The following C21orf58 variants were observed in gnomAD, a reference collection of about 807,000 sequenced individuals.
C21orf58 encodes the protein uncharacterized protein C21orf58.
A neutral mutation model predicts 35.8 loss-of-function variants in C21orf58; 34 were observed. That is an observed-to-expected ratio of 0.95 (90% CI 0.72 to 1.26). C21orf58 has a LOEUF of 1.26. Ranked by LOEUF, C21orf58 falls within the 50% of genes most tolerant of loss-of-function variation. The pLI, the probability that C21orf58 is intolerant of heterozygous loss-of-function variation, is 0.00. For synonymous variants in C21orf58, 191 were observed against 175.8 expected, an observed-to-expected ratio of 1.09 and a Z score of -0.68; for missense variants, 440 against 414.3, an observed-to-expected ratio of 1.06 and a Z score of -0.54.
rs1356323865 is a variant in C21orf58, at chr21:46,311,582, G to A, written c.610-15C>T. 6.6e-7 allele frequency: 1 copy of A among 1,515,098 alleles called. No homozygotes were observed. The highest frequency in any genetic ancestry group is 9.1e-7 in the Non-Finnish European group (1 of 1,097,920). The allele number at this position is 1,515,098 out of a possible 1,614,324, so 93.9% of individuals were successfully genotyped here. On this transcript the variant is annotated splice_polypyrimidine_tract_variant and intron_variant, in intron 5 of 7. Coordinates refer to ENST00000291691, the MANE Select transcript of C21orf58 (RefSeq NM_058180.5). ...GGCTGGGGGACCTAGGAACAGCCAGGTGATTAGCTATCTGCATATGTCCTT... is the reference window on the plus strand; with the variant it reads ...GGCTGGGGGACCTAGGAACAGCCAGATGATTAGCTATCTGCATATGTCCTT...
intron 6 of C21orf58, among the ~76,000 whole-genome samples, chr21:46,307,041 G>A (rs988058059): frequency 5.3e-5 from 8 of 151,748 alleles, no homozygotes; most frequent in Non-Finnish European, 1.0e-4. Flanking sequence ...GATTACAGGC[G>A]CCCACCACCA....
intron 6 of C21orf58, among the ~76,000 whole-genome samples, chr21:46,306,956 C>T (rs1354185684): frequency 1.3e-5 from 2 of 151,596 alleles, no homozygotes; most frequent in South Asian, 2.1e-4. Flanking sequence ...AGTGCAGTGG[C>T]GTGATCTCAG....
chr21:46,317,072 G>A (rs1349437370), intron 3 of C21orf58, 136 bp downstream of exon 3: 22 of 698,616 alleles, frequency 3.1e-5, no homozygotes, highest in Non-Finnish European at 9.7e-6. Flanking sequence ...AAAGCGTTGA[G>A]GACAATCTCG....
downstream of C21orf58, chr21:46,301,076 G>A: frequency 6.9e-6 from 7 of 1,019,112 alleles, no homozygotes; most frequent in Non-Finnish European, 8.3e-6. Flanking sequence ...TATAGCATTA[G>A]CACTCTCCCT....
At position 46,319,485 on chromosome 21, in the gene C21orf58, T is replaced by C. The variant is rs573533315; in HGVS notation, c.101-1265A>G. ...CCCCATGTTTAAGATCCCAGTGCCA[T>C]TGGGCGTTGGCTCACGCCTGTAATC... On this transcript the variant is annotated intron_variant, in intron 1 of 7. Transcript: ENST00000291691. Among the ~76,000 whole-genome samples the C allele has an allele frequency of 2.9e-4, 44 of 152,284 alleles. 1 individual carries two copies. The South Asian group carries it at 8.3e-3, about 29-fold the overall frequency.
chr21:46,323,715 G>A lies in C21orf58; in HGVS notation c.-977C>T, dbSNP rs530028128. ...CTTCCCGCGGCGGCCCACAGCCAAC[G>A]ACTAATGCCTGAGCGGGAGAAAACG... On this transcript the variant is annotated 5_prime_UTR_variant, in exon 1 of 8. Transcript: ENST00000291691. 1 of 192,608 alleles carries A rather than the reference G, an allele frequency of 5.2e-6. No individual in the cohort carries two copies. The highest frequency in any genetic ancestry group is 7.8e-5 in the South Asian group (1 of 12,842). The allele number at this position is 192,608 out of a possible 1,614,324, so 11.9% of individuals were successfully genotyped here. A position where few individuals can be genotyped will look rare whatever the true frequency, so the allele number is the denominator to read the frequency against.
At chr21:46,317,344 GCTTT>G (rs1569136095) in intron 2 of C21orf58, 76 bp from the exon 3 acceptor site, 6 of 1,563,014 alleles carry the variant, frequency 3.8e-6, no homozygotes, top group South Asian at 1.2e-5. Context: ...TGACTAAGAG[GCTTT>G]CTGAGTGAAA....
At position 46,322,866 on chromosome 21, in the gene C21orf58, C is replaced by A. The variant is rs952324996; in HGVS notation, c.-128G>T. ...CTGAGGAGGCTGCAAGGTGAGCTTG[C>A]GTCAGCGAGGAGCCACTCCAGCACG... On this transcript the variant is annotated 5_prime_UTR_variant, in exon 1 of 8. Transcript: ENST00000291691. 10 of 606,054 alleles carry A rather than the reference C, an allele frequency of 1.7e-5. No individual in the cohort carries two copies. Among genetic ancestry groups the A allele is most frequent in the African/African-American group, 1.1e-4 (6 of 52,464 alleles). 37.5% of individuals were successfully genotyped at this position (606,054 alleles called of 1,614,324 possible). A position where few individuals can be genotyped will look rare whatever the true frequency, so the allele number is the denominator to read the frequency against.
At chr21:46,304,282 G>A (rs1601639429) in intron 6 of C21orf58, among the ~76,000 whole-genome samples, 2 of 151,812 alleles carry the variant, frequency 1.3e-5, no homozygotes, top group African/African-American at 2.4e-5. Context: ...TGCCCGCCTC[G>A]GCCTCCCAAA....
chr21:46,321,742 G>A (rs1186491495), intron 1 of C21orf58, among the ~76,000 whole-genome samples: 1 of 152,012 alleles, frequency 6.6e-6, no homozygotes. Context: ...CTTGGCTGAG[G>A]TGGAGTCTGC....
chr21:46,302,621 T>G (rs768738504), intron 6 of C21orf58, 45 bp from the exon 7 acceptor site: 5 of 1,475,832 alleles, frequency 3.4e-6, no homozygotes, highest in Non-Finnish European at 4.7e-6. Flanking sequence ...TTTCCGTTTT[T>G]CCTATTTGTT....
At chr21:46,314,460 G>A (rs986201894) in intron 5 of C21orf58, among the ~76,000 whole-genome samples, 4 of 152,178 alleles carry the variant, frequency 2.6e-5, no homozygotes, top group African/African-American at 9.6e-5. Context: ...TGCCCCTAAT[G>A]CAACATTTAA....
chr21:46,314,609 T>G, intron 5 of C21orf58, 107 bp downstream of exon 5: 3 of 890,822 alleles, frequency 3.4e-6, no homozygotes, highest in Middle Eastern at 3.6e-4. Flanking sequence ...AGGATGGGGG[T>G]GACGAGGCAA....
chr21:46,317,893 G>A, intron 2 of C21orf58, 119 bp downstream of exon 2: 2 of 1,133,896 alleles, frequency 1.8e-6, no homozygotes, highest in Non-Finnish European at 2.5e-6. Flanking sequence ...TGGGCTGCCA[G>A]CCCCAGGCCT....
chr21:46,302,398 G>T, intron 7 of C21orf58, 87 bp downstream of exon 7: 1 of 1,173,938 alleles, frequency 8.5e-7, no homozygotes, highest in Non-Finnish European at 1.2e-6. Flanking sequence ...TGCCCTTTCA[G>T]AGCTACACAG....
intron 6 of C21orf58, among the ~76,000 whole-genome samples, chr21:46,311,165 G>A (rs920794752): frequency 4.6e-5 from 7 of 151,952 alleles, no homozygotes; most frequent in African/African-American, 1.4e-4. Context: ...CCACCGAGCC[G>A]GGCCCTAAAA....
intron 6 of C21orf58, among the ~76,000 whole-genome samples, chr21:46,306,069 CAAA>C (rs34976693): frequency 3.0e-4 from 37 of 122,412 alleles, no homozygotes; most frequent in Admixed American, 4.0e-4. Flanking sequence ...CACTGTGACT[CAAA>C]AAAAAAAAAA....
chr21:46,312,974 T>A, intron 5 of C21orf58: 1 of 985,238 alleles, frequency 1.0e-6, no homozygotes, highest in Non-Finnish European at 1.2e-6. Context: ...TATTCGAGCA[T>A]GAAAGGCCTT....
chr21:46,314,619 AC>A (rs1472293542), intron 5 of C21orf58, 96 bp downstream of exon 5: 2 of 1,014,118 alleles, frequency 2.0e-6, no homozygotes, highest in Non-Finnish European at 2.8e-6. Context: ...TGACGAGGCA[AC>A]CTCGCTGCAG....
Sources: gnomAD v4.1 joint callset for allele counts (sites outside exome capture counted in the v4.1 genomes callset) on GRCh38, gnomAD v4.1.1 for gene constraint, MANE v1.5 for transcripts, NCBI Gene and HGNC (gene_info 2026-07-23, HGNC 2026-07-21) for gene names.